The following PCDH15 variants were observed in gnomAD, a reference collection of about 807,000 sequenced individuals.
PCDH15 encodes the protein protocadherin-15.
PCDH15 carries 129 observed loss-of-function variants against 178.5 expected under a neutral mutation model. The ratio of observed to expected loss-of-function variants is 0.72; its 90% CI spans 0.63 to 0.84. The LOEUF (loss-of-function observed/expected upper bound fraction) is 0.84, where lower values mean the gene tolerates loss of function less well. Ranked by LOEUF, PCDH15 falls within the 40% of genes least tolerant of loss-of-function variation. PCDH15 has a pLI of 0.00. For missense variants in PCDH15, 2,230 were observed against 2,099.9 expected (o/e 1.06, Z -1.21); for synonymous variants, 800 against 732.0 (o/e 1.09, Z -1.50).
intron 2 of PCDH15, among the ~76,000 whole-genome samples, chr10:55,149,511 G>A (rs1838637968): frequency 2.0e-5 from 3 of 151,944 alleles, no homozygotes; most frequent in Admixed American, 6.6e-5. Context: ...TACATGGGGG[G>A]AAACTTATTT....
chr10:54,736,197 A>G (rs1944093786), intron 1 of PCDH15, among the ~76,000 whole-genome samples: 1 of 151,980 alleles, frequency 6.6e-6, no homozygotes, highest in Non-Finnish European at 1.5e-5. Context: ...GTATCATCAC[A>G]TTATTTCTCT....
At chr10:55,082,555 C>T (rs920824366) in intron 2 of PCDH15, among the ~76,000 whole-genome samples, 1 of 139,118 alleles carries the variant, frequency 7.2e-6, no homozygotes, top group Non-Finnish European at 1.6e-5. Context: ...AAAGAAAGAT[C>T]AGAGCAGAAA....
chr10:55,574,525 G>T (rs570464616), intron 2 of PCDH15, among the ~76,000 whole-genome samples: 1 of 152,142 alleles, frequency 6.6e-6, no homozygotes, highest in African/African-American at 2.4e-5. Flanking sequence ...GAAGGATAAT[G>T]TAGGTAGGCA....
intron 8 of PCDH15, among the ~76,000 whole-genome samples, chr10:54,270,953 TAAG>T (rs1247448122): frequency 6.6e-6 from 1 of 152,044 alleles, no homozygotes; most frequent in Non-Finnish European, 1.5e-5. Flanking sequence ...TGAAGGAGAA[TAAG>T]AAGTTCTAAA....
At chr10:54,117,362 G>A (rs1361430380) in intron 15 of PCDH15, among the ~76,000 whole-genome samples, 1 of 152,134 alleles carries the variant, frequency 6.6e-6, no homozygotes, top group East Asian at 1.9e-4. Flanking sequence ...GTGGAAGCTT[G>A]GAGATGCCAG....
chr10:55,463,985 AAGAAAG>A lies in PCDH15; in HGVS notation c.-156+163634_-156+163639del, dbSNP rs1219099050. On this transcript the variant is annotated intron_variant, in intron 2 of 5. Coordinates refer to the PCDH15 transcript ENST00000613346. The stretch of plus-strand genomic sequence containing the variant: ...AGAAAGAAAGAAAGAGAAAGAAAGA[AAGAAAG>A]AGAAAGAAAGAAAGAAAGAAAGAAA... Among the ~76,000 whole-genome samples, 2 of 35,816 alleles carry A rather than the reference AAGAAAG, an allele frequency of 5.6e-5. 1 individual carries two copies. The highest frequency in any genetic ancestry group is 5.0e-4 in the African/African-American group (2 of 4,012). The allele number at this position is 35,816 out of a possible 152,430, so 23.5% of individuals were successfully genotyped here. A position where few individuals can be genotyped will look rare whatever the true frequency, so the allele number is the denominator to read the frequency against.
chr10:53,924,027 T>C (rs1462799219), intron 25 of PCDH15, among the ~76,000 whole-genome samples: 1 of 152,176 alleles, frequency 6.6e-6, no homozygotes, highest in Non-Finnish European at 1.5e-5. Flanking sequence ...CTGGCAGCCC[T>C]CGCAGCCCTC....
intron 8 of PCDH15, among the ~76,000 whole-genome samples, chr10:54,289,391 G>T (rs981569606): frequency 1.3e-5 from 2 of 152,160 alleles, no homozygotes; most frequent in African/African-American, 4.8e-5. Context: ...CCATCTGTGG[G>T]TCACCAACAT....
intron 26 of PCDH15, among the ~76,000 whole-genome samples, chr10:53,882,905 T>C (rs2133362320): frequency 6.6e-6 from 1 of 152,314 alleles, no homozygotes. Flanking sequence ...TAAAATGCTT[T>C]GTGCTTCTTG....
intron 6 of PCDH15, among the ~76,000 whole-genome samples, chr10:54,338,594 A>G (rs577664011): frequency 1.3e-5 from 2 of 152,330 alleles, no homozygotes; most frequent in East Asian, 3.9e-4. Context: ...AACATATTAC[A>G]AAAGAAGGAC....
At position 54,238,296 on chromosome 10, in the gene PCDH15, A is replaced by C. The variant is rs551910035; in HGVS notation, c.877-1365T>G. Reference sequence around the variant, plus strand: ...CCAGTAGTTTCAGTTCTCAGCAAAAATGTATAGTGATGGCATGCTAAAAAA... The same window carrying C: ...CCAGTAGTTTCAGTTCTCAGCAAAACTGTATAGTGATGGCATGCTAAAAAA... On this transcript the variant is annotated intron_variant, in intron 8 of 37. Coordinates refer to ENST00000644397, the MANE Select transcript of PCDH15 (RefSeq NM_001384140.1). Among the ~76,000 whole-genome samples the C allele has an allele frequency of 2.0e-5, 3 of 152,252 alleles. No homozygotes were observed. In the South Asian group the frequency reaches 6.2e-4, roughly 32 times the overall value.
intron 2 of PCDH15, among the ~76,000 whole-genome samples, chr10:55,072,793 C>T (rs1346361690): frequency 1.3e-5 from 2 of 151,452 alleles, no homozygotes; most frequent in Non-Finnish European, 2.9e-5. Context: ...GAGACACAAC[C>T]AAAAAAGACA....
chr10:54,330,169 CAAAA>C (rs3069757), intron 6 of PCDH15, among the ~76,000 whole-genome samples: 28 of 150,230 alleles, frequency 1.9e-4, no homozygotes, highest in East Asian at 1.6e-3. Flanking sequence ...GCATTAAATA[CAAAA>C]AAAAAAATAC....
chr10:55,622,212 T>G (rs965590889), intron 2 of PCDH15, among the ~76,000 whole-genome samples: 1 of 147,032 alleles, frequency 6.8e-6, no homozygotes, highest in African/African-American at 2.5e-5. Flanking sequence ...GGTCTCACTA[T>G]GCTGCCCAGG....
chr10:54,521,103 C>A (rs1357496233), intron 3 of PCDH15, among the ~76,000 whole-genome samples: 2 of 150,704 alleles, frequency 1.3e-5, no homozygotes, highest in African/African-American at 2.4e-5. Flanking sequence ...AGGAGATATA[C>A]CTAATGCTAA....
At chr10:55,318,360 G>T (rs182837454) in intron 1 of PCDH15, among the ~76,000 whole-genome samples, 1 of 152,208 alleles carries the variant, frequency 6.6e-6, no homozygotes, top group Admixed American at 6.5e-5. Context: ...AATAAATTAA[G>T]TATGTTGACA....
chr10:54,756,096 C>CACACACACACACACACAA (rs1469590473), intron 1 of PCDH15, among the ~76,000 whole-genome samples: 1 of 146,520 alleles, frequency 6.8e-6, no homozygotes, highest in East Asian at 2.0e-4. Context: ...CACACACACA[C>CACACACACACACACACAA]AAAATTAGCT....
At chr10:55,363,646 A>G (rs541037162) in intron 2 of PCDH15, among the ~76,000 whole-genome samples, 68 of 151,652 alleles carry the variant, frequency 4.5e-4, no homozygotes, top group African/African-American at 1.5e-3. Context: ...TTTGGTTGGG[A>G]TGTGGGGGGA....
At chr10:54,743,280 C>T (rs375679172) in intron 1 of PCDH15, among the ~76,000 whole-genome samples, 3 of 152,082 alleles carry the variant, frequency 2.0e-5, no homozygotes, top group East Asian at 3.9e-4. Flanking sequence ...GAAAGTGTGA[C>T]TTCAAGGACT....
Sources: allele counts gnomAD v4.1 joint callset (sites outside exome capture counted in the v4.1 genomes callset), GRCh38; gene constraint gnomAD v4.1.1; transcripts MANE v1.5; gene names NCBI Gene and HGNC (gene_info 2026-07-23, HGNC 2026-07-21).